SLC24A3: variants seen among roughly 807,000 people sequenced by gnomAD.
The protein encoded by SLC24A3 is solute carrier family 24 member 3.
Under a neutral mutation model 75.8 loss-of-function variants are expected in SLC24A3, and 28 were observed. That is an observed-to-expected ratio of 0.37 (90% CI 0.27 to 0.51). The LOEUF (loss-of-function observed/expected upper bound fraction) is 0.51. SLC24A3 is among the 20% of genes least tolerant of loss of function. The pLI, the probability that SLC24A3 is intolerant of heterozygous loss-of-function variation, is 0.94. For synonymous variants in SLC24A3, 372 were observed against 334.1 expected (o/e 1.11, Z -1.24); for missense variants, 663 against 847.8 (o/e 0.78, Z 2.71).
chr20:19,622,954 G>A (rs765391172), intron 6 of SLC24A3, among the ~76,000 whole-genome samples: 7 of 152,220 alleles, frequency 4.6e-5, no homozygotes, highest in Non-Finnish European at 7.4e-5. Context: ...GTCAGCTCTC[G>A]TGTGAACTAA....
chr20:19,410,412 G>A (rs1986722271), intron 2 of SLC24A3, among the ~76,000 whole-genome samples: 1 of 152,180 alleles, frequency 6.6e-6, no homozygotes. Flanking sequence ...ATTTAGAGGA[G>A]AAACAGAAGG....
At chr20:19,561,918 A>G (rs1278070531) in intron 3 of SLC24A3, among the ~76,000 whole-genome samples, 2 of 152,154 alleles carry the variant, frequency 1.3e-5, no homozygotes, top group African/African-American at 2.4e-5. Flanking sequence ...ACTTATTTAC[A>G]TCTGGGCAGA....
At chr20:19,586,461 A>C (rs549919417) in intron 6 of SLC24A3, among the ~76,000 whole-genome samples, 11 of 152,152 alleles carry the variant, frequency 7.2e-5, no homozygotes, top group Non-Finnish European at 1.3e-4. Context: ...TGATATGAAC[A>C]GTGCACTGTT....
intron 6 of SLC24A3, 145 bp downstream of exon 6, chr20:19,585,689 C>A: frequency 1.4e-6 from 1 of 717,596 alleles, no homozygotes; most frequent in South Asian, 1.9e-5. Flanking sequence ...GACCTCACAT[C>A]CCAGGAGGCT....
intron 1 of SLC24A3, among the ~76,000 whole-genome samples, chr20:19,236,250 A>G (rs770014241): frequency 2.6e-5 from 4 of 152,196 alleles, no homozygotes; most frequent in Non-Finnish European, 5.9e-5. Flanking sequence ...CTCTCATGCC[A>G]CCTGTGAGGT....
intron 1 of SLC24A3, among the ~76,000 whole-genome samples, chr20:19,230,065 T>A (rs1202428505): frequency 6.7e-6 from 1 of 149,618 alleles, no homozygotes; most frequent in Non-Finnish European, 1.5e-5. Flanking sequence ...ATAATAGATT[T>A]TTTTTTTTTT....
chr20:19,722,493 A>G lies in SLC24A3; in HGVS notation c.*1353A>G, dbSNP rs1174235820. On this transcript the variant is annotated 3_prime_UTR_variant, in exon 17 of 17. Coordinates refer to ENST00000328041, the MANE Select transcript of SLC24A3 (RefSeq NM_020689.4). The stretch of plus-strand genomic sequence containing the variant: ...GCTCAACAGCCCTGCTAGATTTTGT[A>G]TGATGCTGAATTATTATGCAGACTA... 6.5e-6 allele frequency: 1 copy of G among 152,672 alleles called. No individual in the cohort carries two copies. The highest frequency in any genetic ancestry group is 2.4e-5 in the African/African-American group (1 of 41,460). 9.5% of individuals were successfully genotyped at this position (152,672 alleles called of 1,614,324 possible). A position where few individuals can be genotyped will look rare whatever the true frequency, so the allele number is the denominator to read the frequency against.
chr20:19,465,703 T>G (rs964211559), intron 2 of SLC24A3, among the ~76,000 whole-genome samples: 2 of 152,162 alleles, frequency 1.3e-5, no homozygotes, highest in African/African-American at 4.8e-5. Flanking sequence ...CCCTTTGTCA[T>G]AGATGTCAGA....
chr20:19,690,765 A>T (rs1055840309), intron 12 of SLC24A3, among the ~76,000 whole-genome samples: 1 of 152,204 alleles, frequency 6.6e-6, no homozygotes, highest in African/African-American at 2.4e-5. Context: ...TTGATTTACA[A>T]AGCAAGCACA....
chr20:19,285,715 T>C (rs1046675799), intron 2 of SLC24A3, among the ~76,000 whole-genome samples: 15 of 152,010 alleles, frequency 9.9e-5, no homozygotes, highest in African/African-American at 3.6e-4. Context: ...ATTTTTTTTT[T>C]TTTCTTTTGG....
At position 19,588,287 on chromosome 20, in the gene SLC24A3, C is replaced by T. The variant is rs549075149; in HGVS notation, c.612+2743C>T. On this transcript the variant is annotated intron_variant, in intron 6 of 16. Coordinates refer to ENST00000328041, the MANE Select transcript of SLC24A3 (RefSeq NM_020689.4). ...TTAATAAATCCAATCATGGATTTCACTTAGCATTTTATTTATGTTGATCTG... is the reference window on the plus strand; with the variant it reads ...TTAATAAATCCAATCATGGATTTCATTTAGCATTTTATTTATGTTGATCTG... Among the ~76,000 whole-genome samples the T allele has an allele frequency of 6.9e-4, 105 of 152,306 alleles. 1 individual carries two copies. Among genetic ancestry groups the T allele is most frequent in the African/African-American group, 2.4e-3 (101 of 41,560 alleles).
intron 2 of SLC24A3, among the ~76,000 whole-genome samples, chr20:19,376,855 G>T (rs748021654): frequency 2.6e-5 from 4 of 152,188 alleles, no homozygotes; most frequent in Non-Finnish European, 5.9e-5. Context: ...AGACGGCCAG[G>T]TGGAGCCGTC....
intron 9 of SLC24A3, among the ~76,000 whole-genome samples, chr20:19,680,120 GTGTGTGTGTCTGTGTGTGTCTC>G (rs1184613827): frequency 5.1e-5 from 4 of 78,780 alleles, no homozygotes; most frequent in Non-Finnish European, 7.9e-5. Flanking sequence ...GTCTGTGTCT[GTGTGTGTGTCTGTGTGTGTCTC>G]TGTGTGTGTC....
rs1386487460 is a variant in SLC24A3 at position 19,354,610 on chromosome 20, GTGTGTGTGTGTGTA to G, written c.271+73531_271+73544del. On this transcript the variant is annotated intron_variant, in intron 2 of 16. Coordinates refer to ENST00000328041, the MANE Select transcript of SLC24A3 (RefSeq NM_020689.4). ...TGTATGTGTGTGTGTGTGTGTGTGTGTGTGTGTGTGTGTATGTGTGTATGACCCAGTAAGCTCAT... is the reference window on the plus strand; with the variant it reads ...TGTATGTGTGTGTGTGTGTGTGTGTGTGTGTGTATGACCCAGTAAGCTCAT... Among the ~76,000 whole-genome samples, 14 of 143,144 alleles carry G rather than the reference GTGTGTGTGTGTGTA, an allele frequency of 9.8e-5. No individual in the cohort carries two copies. The East Asian group carries it at 1.0e-3, about 11-fold the overall frequency. The allele number at this position is 143,144 out of a possible 152,430, so 93.9% of individuals were successfully genotyped here.
intron 2 of SLC24A3, among the ~76,000 whole-genome samples, chr20:19,416,016 G>C (rs139030135): frequency 6.6e-6 from 1 of 152,290 alleles, no homozygotes; most frequent in Non-Finnish European, 1.5e-5. Context: ...TATTAGCTCT[G>C]TAAGTTTGGC....
intron 3 of SLC24A3, among the ~76,000 whole-genome samples, chr20:19,539,020 A>G (rs2030450394): frequency 6.6e-6 from 1 of 152,222 alleles, no homozygotes; most frequent in African/African-American, 2.4e-5. Flanking sequence ...GGGCTGTATG[A>G]TCCCACTTAT....
intron 15 of SLC24A3, among the ~76,000 whole-genome samples, chr20:19,716,860 T>TA (rs1190440827): frequency 1.3e-5 from 2 of 151,934 alleles, no homozygotes; most frequent in Non-Finnish European, 2.9e-5. Context: ...GGTAACAGAG[T>TA]GAAACCCTGT....
intron 2 of SLC24A3, among the ~76,000 whole-genome samples, chr20:19,316,548 G>A (rs1415422480): frequency 6.6e-6 from 1 of 152,196 alleles, no homozygotes; most frequent in African/African-American, 2.4e-5. Flanking sequence ...TCTTGAAAAT[G>A]TCTAGCATTT....
intron 3 of SLC24A3, among the ~76,000 whole-genome samples, chr20:19,528,605 T>C (rs2046286832): frequency 6.6e-6 from 1 of 152,220 alleles, no homozygotes; most frequent in African/African-American, 2.4e-5. Context: ...TACTGAAAGA[T>C]ACCCTGCTGC....
Sources: allele counts gnomAD v4.1 joint callset (sites outside exome capture counted in the v4.1 genomes callset), GRCh38; gene constraint gnomAD v4.1.1; transcripts MANE v1.5; gene names NCBI Gene and HGNC (gene_info 2026-07-23, HGNC 2026-07-21).